The following TYW1B variants were observed in gnomAD, a reference collection of about 807,000 sequenced individuals.
TYW1B encodes tRNA-yW synthesizing protein 1 homolog B, also known as S-adenosyl-L-methionine-dependent tRNA 4-demethylwyosine synthase TYW1B.
A neutral mutation model predicts 86.9 loss-of-function variants in TYW1B; 73 were observed. The ratio of observed to expected loss-of-function variants is 0.84; its 90% CI spans 0.70 to 1.02. The LOEUF (loss-of-function observed/expected upper bound fraction) is 1.02. Ranked by LOEUF, TYW1B falls within the 50% of genes least tolerant of loss-of-function variation. The probability of loss-of-function intolerance (pLI) is 0.00; values close to 1 mark genes in which losing one functional copy is unlikely to be tolerated. For synonymous variants in TYW1B, 248 were observed against 292.8 expected (o/e 0.85, Z 1.56); for missense variants, 637 against 827.4 (o/e 0.77, Z 2.82).
intron 11 of TYW1B, among the ~76,000 whole-genome samples, chr7:72,692,201 A>G (rs1477415510): frequency 3.7e-5 from 3 of 80,906 alleles, no homozygotes; most frequent in Admixed American, 1.4e-4. Context: ...AAGAGACTCC[A>G]TCTCAAAAAA....
At chr7:72,605,359 G>GT (rs782005655) in intron 13 of TYW1B, among the ~76,000 whole-genome samples, 2,254 of 140,360 alleles carry the variant, frequency 0.016, 37 homozygotes, top group African/African-American at 0.047. Context: ...TGTTTGTTTT[G>GT]TTTTTTTTTT....
intron 7 of TYW1B, among the ~76,000 whole-genome samples, chr7:72,776,426 T>C (rs1787954605): frequency 6.6e-6 from 1 of 151,726 alleles, no homozygotes; most frequent in Non-Finnish European, 1.5e-5. Flanking sequence ...CTGAGCATGG[T>C]GACATATGTC....
At chr7:72,807,488 G>A (rs1554477058) in intron 4 of TYW1B, 132 bp from the exon 5 acceptor site, 5 of 1,239,846 alleles carry the variant, frequency 4.0e-6, no homozygotes, top group Non-Finnish European at 5.5e-6. Flanking sequence ...GAAATTGCTG[G>A]CAAAATGACC....
rs1173151136 is a variant in TYW1B, at chr7:72,771,113, C to T, written c.964+6303G>A. 6.6e-5 allele frequency among the ~76,000 whole-genome samples: 10 copies of T among 151,940 alleles called. 1 individual carries two copies. Among genetic ancestry groups the T allele is most frequent in the Admixed American group, 5.9e-4 (9 of 15,236 alleles). The stretch of plus-strand genomic sequence containing the variant: ...GAATAGCTGGGATTACAGACGCCCA[C>T]CAGGACACCTGGCTAATTTTGATAT... On this transcript the variant is annotated intron_variant, in intron 7 of 13. Transcript: ENST00000620995.
At chr7:72,792,048 G>C (rs1345732891) in intron 6 of TYW1B, among the ~76,000 whole-genome samples, 5 of 152,134 alleles carry the variant, frequency 3.3e-5, no homozygotes, top group Admixed American at 3.3e-4. Context: ...AAATGATTCA[G>C]GCCAGGCGCA....
intron 11 of TYW1B, among the ~76,000 whole-genome samples, chr7:72,630,072 A>C (rs1324549071): frequency 6.6e-6 from 1 of 152,084 alleles, no homozygotes; most frequent in Non-Finnish European, 1.5e-5. Flanking sequence ...TGAGGTAAGG[A>C]GTTTGAGACC....
At chr7:72,746,613 G>C (rs1787399819) in intron 7 of TYW1B, among the ~76,000 whole-genome samples, 1 of 152,180 alleles carries the variant, frequency 6.6e-6, no homozygotes, top group African/African-American at 2.4e-5. Context: ...GGTATTTAAG[G>C]TTAAGTGAGG....
intron 13 of TYW1B, among the ~76,000 whole-genome samples, chr7:72,597,603 T>C (rs1554432859): frequency 1.3e-5 from 2 of 151,994 alleles, no homozygotes; most frequent in African/African-American, 4.8e-5. Context: ...TCGGCTGAAC[T>C]AGACACACCT....
chr7:72,655,520 GA>G (rs1813180391), intron 11 of TYW1B, among the ~76,000 whole-genome samples: 1 of 152,064 alleles, frequency 6.6e-6, no homozygotes, highest in Non-Finnish European at 1.5e-5. Context: ...TGTTCTTCCA[GA>G]AGGCTGTAGC....
chr7:72,678,917 G>A (rs532203846), intron 11 of TYW1B, among the ~76,000 whole-genome samples: 12 of 151,550 alleles, frequency 7.9e-5, no homozygotes, highest in Non-Finnish European at 1.8e-4. Flanking sequence ...GCAACATAGT[G>A]AGACTCCATC....
At position 72,726,152 on chromosome 7, in the gene TYW1B, T is replaced by A. The variant is rs1181735055; in HGVS notation, c.1192+2670A>T. Among the ~76,000 whole-genome samples the A allele has an allele frequency of 3.3e-5, 5 of 152,072 alleles. No individual in the cohort carries two copies. In the South Asian group the frequency reaches 1.0e-3, roughly 32 times the overall value. ...CAAAACACTGGTAAGAGACACTGCT[T>A]TATCCAAGTATAAGAATGTAATTTG... is the stretch of plus-strand genomic sequence containing the variant. On this transcript the variant is annotated intron_variant, in intron 9 of 13. Transcript: ENST00000620995.
chr7:72,621,787 A>G (rs1554438014), intron 12 of TYW1B, among the ~76,000 whole-genome samples: 1 of 152,228 alleles, frequency 6.6e-6, no homozygotes, highest in Non-Finnish European at 1.5e-5. Flanking sequence ...CTAATCCAAT[A>G]CAAAATTTCA....
intron 10 of TYW1B, among the ~76,000 whole-genome samples, chr7:72,701,491 T>C (rs1814470375): frequency 6.6e-6 from 1 of 152,134 alleles, no homozygotes; most frequent in Admixed American, 6.6e-5. Context: ...CTCAAACTCC[T>C]GGCCTCAAAC....
intron 11 of TYW1B, among the ~76,000 whole-genome samples, chr7:72,662,286 A>G (rs1331964765): frequency 5.9e-5 from 9 of 152,242 alleles, no homozygotes; most frequent in South Asian, 2.1e-4. Flanking sequence ...GAGTCAACAG[A>G]TAACAGTGAA....
chr7:72,611,539 C>T (rs1369272943), intron 13 of TYW1B, among the ~76,000 whole-genome samples: 9 of 152,048 alleles, frequency 5.9e-5, no homozygotes, highest in African/African-American at 1.5e-4. Flanking sequence ...CCATGTAAGA[C>T]GTGCCTTCTA....
intron 6 of TYW1B, among the ~76,000 whole-genome samples, chr7:72,784,171 T>C (rs1336139187): frequency 6.6e-6 from 1 of 151,100 alleles, no homozygotes; most frequent in Non-Finnish European, 1.5e-5. Flanking sequence ...CAATAGGCTT[T>C]ACATTTACAA....
At chr7:72,764,097 G>GGC (rs1259128811) in intron 7 of TYW1B, among the ~76,000 whole-genome samples, 1 of 151,794 alleles carries the variant, frequency 6.6e-6, no homozygotes, top group Non-Finnish European at 1.5e-5. Flanking sequence ...CTATGATCCT[G>GGC]GTTGTTATCT....
chr7:72,604,886 C>T (rs1343529571), intron 13 of TYW1B, among the ~76,000 whole-genome samples: 9 of 152,102 alleles, frequency 5.9e-5, no homozygotes, highest in East Asian at 1.9e-4. Context: ...TTTGTCTTTC[C>T]GCTGCTCAAA....
intron 9 of TYW1B, among the ~76,000 whole-genome samples, chr7:72,716,340 C>G (rs534925508): frequency 6.6e-6 from 1 of 152,164 alleles, no homozygotes; most frequent in Non-Finnish European, 1.5e-5. Flanking sequence ...AAGGCCTTAG[C>G]GGAGTGTCTG....
Sources: gnomAD v4.1 joint callset for allele counts (sites outside exome capture counted in the v4.1 genomes callset) on GRCh38, gnomAD v4.1.1 for gene constraint, MANE v1.5 for transcripts, NCBI Gene and HGNC (gene_info 2026-07-23, HGNC 2026-07-21) for gene names.